CERS6: variants seen among roughly 807,000 people sequenced by gnomAD.
The protein encoded by CERS6 is ceramide synthase 6, also known as LAG1 homolog, ceramide synthase 6.
A neutral mutation model predicts 56.8 loss-of-function variants in CERS6; 26 were observed. The observed-to-expected ratio is 0.46, with a 90% CI of 0.34 to 0.63. CERS6 has a LOEUF of 0.63. Ranked by LOEUF, CERS6 falls within the 30% of genes least tolerant of loss-of-function variation. The probability of loss-of-function intolerance (pLI) is 0.01; values close to 1 mark genes in which losing one functional copy is unlikely to be tolerated. For synonymous variants in CERS6, 164 were observed against 173.3 expected (o/e 0.95, Z 0.42); for missense variants, 415 against 467.5 (o/e 0.89, Z 1.04).
At chr2:168,674,197 C>G (rs1363602846) in intron 4 of CERS6, among the ~76,000 whole-genome samples, 1 of 152,154 alleles carries the variant, frequency 6.6e-6, no homozygotes, top group Non-Finnish European at 1.5e-5. Context: ...TCAACCTTTT[C>G]CTATATAATT....
intron 8 of CERS6, among the ~76,000 whole-genome samples, chr2:168,726,115 A>G (rs1022872936): frequency 1.3e-5 from 2 of 152,216 alleles, no homozygotes; most frequent in African/African-American, 4.8e-5. Flanking sequence ...TGTTAAGTGA[A>G]TTAGGTACTC....
intron 3 of CERS6, among the ~76,000 whole-genome samples, chr2:168,572,285 A>T (rs1696003272): frequency 6.6e-6 from 1 of 152,134 alleles, no homozygotes; most frequent in Non-Finnish European, 1.5e-5. Flanking sequence ...CTGAGAAGGG[A>T]GGGGAAAGAA....
chr2:168,527,892 T>C (rs1201339374), intron 1 of CERS6, among the ~76,000 whole-genome samples: 1 of 152,100 alleles, frequency 6.6e-6, no homozygotes, highest in Non-Finnish European at 1.5e-5. Context: ...GGCTAATTTT[T>C]GCATTTTTTG....
chr2:168,477,764 A>G (rs961320769), intron 1 of CERS6, among the ~76,000 whole-genome samples: 2 of 152,236 alleles, frequency 1.3e-5, no homozygotes, highest in African/African-American at 4.8e-5. Context: ...CACTGAAGGA[A>G]AGTTTCTAAC....
intron 6 of CERS6, among the ~76,000 whole-genome samples, chr2:168,713,777 A>G (rs988153465): frequency 4.6e-5 from 7 of 152,158 alleles, no homozygotes; most frequent in Non-Finnish European, 8.8e-5. Context: ...ACATAAAACA[A>G]TTTTTAAAAA....
At chr2:168,764,345 T>C (rs1427517722) in intron 8 of CERS6, among the ~76,000 whole-genome samples, 9 of 152,148 alleles carry the variant, frequency 5.9e-5, no homozygotes, top group Non-Finnish European at 1.0e-4. Context: ...CGTTGCACCA[T>C]GTTAGCCAGG....
Position 168,526,198 on chromosome 2 carries a change from A to G in CERS6, c.171-21398A>G, listed in dbSNP as rs62175806. On this transcript the variant is annotated intron_variant, in intron 1 of 9. Coordinates refer to ENST00000305747, the MANE Select transcript of CERS6 (RefSeq NM_203463.3). ...TTTCCTTATTAAGAGCCAAGTGAATATTTCATTCTGTTTTCTCCTATTTGC... is the reference window on the plus strand; with the variant it reads ...TTTCCTTATTAAGAGCCAAGTGAATGTTTCATTCTGTTTTCTCCTATTTGC... Among the ~76,000 whole-genome samples the G allele has an allele frequency of 5.8e-3, 880 of 152,282 alleles. 14 individuals carry two copies. The highest frequency in any genetic ancestry group is 9.7e-3 in the South Asian group (47 of 4,824).
At chr2:168,765,815 A>G (rs1684717416) in intron 9 of CERS6, 67 bp downstream of exon 9, 1 of 1,355,024 alleles carries the variant, frequency 7.4e-7, no homozygotes, top group African/African-American at 1.5e-5. Context: ...CTCTGGATCA[A>G]CTATTTACTA....
chr2:168,712,450 G>A (rs1687114822), intron 6 of CERS6, among the ~76,000 whole-genome samples: 1 of 152,118 alleles, frequency 6.6e-6, no homozygotes, highest in Admixed American at 6.5e-5. Context: ...ACTTATAAGT[G>A]CTTTGTACCT....
intron 4 of CERS6, among the ~76,000 whole-genome samples, chr2:168,675,146 T>C (rs1452944774): frequency 6.6e-6 from 1 of 151,962 alleles, no homozygotes; most frequent in Non-Finnish European, 1.5e-5. Context: ...GCAGATTTTT[T>C]GTATTTTAGT....
intron 1 of CERS6, among the ~76,000 whole-genome samples, chr2:168,538,272 G>A (rs1403317527): frequency 6.7e-6 from 1 of 149,408 alleles, no homozygotes; most frequent in African/African-American, 2.5e-5. Context: ...CCCTAAAATG[G>A]CCTAGAAGGC....
intron 5 of CERS6, 61 bp downstream of exon 5, chr2:168,691,145 C>A: frequency 6.6e-7 from 1 of 1,517,650 alleles, no homozygotes; most frequent in Non-Finnish European, 9.1e-7. Context: ...CGGTCAATTT[C>A]ATGGTCTCAG....
chr2:168,556,082 T>G (rs1293519627), intron 2 of CERS6, among the ~76,000 whole-genome samples: 1 of 152,102 alleles, frequency 6.6e-6, no homozygotes. Flanking sequence ...TAAAAAATTC[T>G]AACATACTCT....
chr2:168,643,309 C>A (rs1475912509), intron 4 of CERS6, among the ~76,000 whole-genome samples: 1 of 152,186 alleles, frequency 6.6e-6, no homozygotes, highest in Non-Finnish European at 1.5e-5. Flanking sequence ...CTATGGGATA[C>A]AACTTGAGTG....
intron 1 of CERS6, among the ~76,000 whole-genome samples, chr2:168,499,619 A>G (rs574641679): frequency 6.6e-6 from 1 of 152,160 alleles, no homozygotes; most frequent in African/African-American, 2.4e-5. Context: ...TGTCCGTACA[A>G]CAGGTGGTTT....
intron 4 of CERS6, among the ~76,000 whole-genome samples, chr2:168,678,710 T>C (rs1335085853): frequency 6.6e-6 from 1 of 152,152 alleles, no homozygotes; most frequent in African/African-American, 2.4e-5. Context: ...AAAGGCTCTT[T>C]AGACAGACCT....
At chr2:168,649,686 C>A (rs1416159809) in intron 4 of CERS6, among the ~76,000 whole-genome samples, 4 of 152,044 alleles carry the variant, frequency 2.6e-5, no homozygotes, top group Non-Finnish European at 4.4e-5. Flanking sequence ...AGTGCTATCA[C>A]CCCTTCCTAC....
intron 4 of CERS6, among the ~76,000 whole-genome samples, chr2:168,649,798 C>G (rs1685298917): frequency 6.6e-6 from 1 of 152,042 alleles, no homozygotes; most frequent in Non-Finnish European, 1.5e-5. Context: ...CCTGCCCTCC[C>G]CTACCCCATC....
intron 4 of CERS6, among the ~76,000 whole-genome samples, chr2:168,643,004 C>T (rs543484530): frequency 2.2e-4 from 33 of 152,220 alleles, no homozygotes; most frequent in African/African-American, 7.0e-4. Context: ...TCAGTATTGG[C>T]GGAAGAGTTA....
Sources: gnomAD v4.1 joint callset for allele counts (sites outside exome capture counted in the v4.1 genomes callset) on GRCh38, gnomAD v4.1.1 for gene constraint, MANE v1.5 for transcripts, NCBI Gene and HGNC (gene_info 2026-07-23, HGNC 2026-07-21) for gene names.